CPNE4: variants seen among roughly 807,000 people sequenced by gnomAD.
CPNE4 encodes the protein copine 4.
CPNE4 carries 25 observed loss-of-function variants against 67.9 expected under a neutral mutation model. The ratio of observed to expected loss-of-function variants is 0.37; its 90% confidence interval spans 0.27 to 0.51. CPNE4 has a LOEUF of 0.51. CPNE4 is among the 20% of genes least tolerant of loss of function. The pLI is 0.93. For synonymous variants in CPNE4, 242 were observed against 244.9 expected (o/e 0.99, Z 0.11); for missense variants, 464 against 690.8 (o/e 0.67, Z 3.68).
chr3:131,651,531 G>A (rs2079816277), intron 7 of CPNE4, among the ~76,000 whole-genome samples: 2 of 152,168 alleles, frequency 1.3e-5, no homozygotes, highest in Admixed American at 1.3e-4. Flanking sequence ...GGAAGTTAGT[G>A]TGGCCTGACA....
chr3:131,974,778 C>T (rs1484673649), intron 1 of CPNE4, among the ~76,000 whole-genome samples: 1 of 152,140 alleles, frequency 6.6e-6, no homozygotes, highest in Non-Finnish European at 1.5e-5. Flanking sequence ...GAGGCTAAGG[C>T]AGGTGGATTG....
chr3:131,975,170 C>T (rs368768812), intron 1 of CPNE4, among the ~76,000 whole-genome samples: 5 of 152,192 alleles, frequency 3.3e-5, no homozygotes, highest in African/African-American at 9.6e-5. Flanking sequence ...AAGAGAGAAC[C>T]GCCTGTCAAA....
intron 2 of CPNE4, among the ~76,000 whole-genome samples, chr3:131,776,099 C>G (rs1014085494): frequency 3.9e-5 from 6 of 152,122 alleles, no homozygotes; most frequent in African/African-American, 1.4e-4. Flanking sequence ...TCTCTCCTTC[C>G]CGGCTTACCC....
chr3:131,918,709 A>G (rs2070649207), intron 1 of CPNE4, among the ~76,000 whole-genome samples: 1 of 152,236 alleles, frequency 6.6e-6, no homozygotes, highest in Non-Finnish European at 1.5e-5. Flanking sequence ...ACTTTATAAC[A>G]TAAAACAGTT....
At position 131,669,777 on chromosome 3, in the gene CPNE4, AGAGAG is replaced by A; in HGVS notation, c.592-18_592-14del. ...TATTCATCACAACCTGGGAAAAGAA[AGAGAG>A]GAGTGGTGAGTGGGGGAGAAATGCT... On this transcript the variant is annotated splice_polypyrimidine_tract_variant and intron_variant, in intron 6 of 15. Transcript: ENST00000429747. The A allele has an allele frequency of 6.3e-7, 1 of 1,599,200 alleles. No individual in the cohort carries two copies. Among genetic ancestry groups the A allele is most frequent in the Non-Finnish European group, 8.6e-7 (1 of 1,167,204 alleles).
At chr3:131,766,313 G>A (rs937895926) in intron 2 of CPNE4, among the ~76,000 whole-genome samples, 1 of 26,428 alleles carries the variant, frequency 3.8e-5, no homozygotes, top group Non-Finnish European at 1.1e-4. Flanking sequence ...CTCAAGAAGT[G>A]TTAGCTTTTG....
intron 3 of CPNE4, among the ~76,000 whole-genome samples, chr3:131,717,920 T>TTC (rs2081766103): frequency 6.8e-6 from 1 of 146,568 alleles, no homozygotes; most frequent in African/African-American, 2.5e-5. Context: ...CTTTCTTTCT[T>TTC]TCTTTCTTTC....
intron 2 of CPNE4, among the ~76,000 whole-genome samples, chr3:131,808,059 T>G (rs568521677): frequency 2.6e-5 from 4 of 152,228 alleles, no homozygotes; most frequent in African/African-American, 9.6e-5. Flanking sequence ...ACACTGAAAC[T>G]CAGCTCAGCT....
intron 1 of CPNE4, among the ~76,000 whole-genome samples, chr3:131,922,192 A>C (rs578083572): frequency 6.6e-6 from 1 of 152,296 alleles, no homozygotes; most frequent in Non-Finnish European, 1.5e-5. Context: ...CTGTTCCTAC[A>C]TTAATTCACT....
At chr3:131,950,427 A>G (rs2071688586) in intron 1 of CPNE4, among the ~76,000 whole-genome samples, 1 of 152,224 alleles carries the variant, frequency 6.6e-6, no homozygotes, top group Admixed American at 6.5e-5. Flanking sequence ...CAGACCTTTG[A>G]AAATTATGGC....
At chr3:131,595,232 T>G (rs769694692) in intron 7 of CPNE4, among the ~76,000 whole-genome samples, 4 of 152,242 alleles carry the variant, frequency 2.6e-5, no homozygotes, top group Non-Finnish European at 5.9e-5. Context: ...ACAAAAGAAG[T>G]GAAATCAGCA....
intron 9 of CPNE4, among the ~76,000 whole-genome samples, chr3:131,580,447 CATATACAT>C (rs1559932385): frequency 4.6e-5 from 4 of 86,540 alleles, no homozygotes; most frequent in East Asian, 2.7e-4. Flanking sequence ...TATACATATA[CATATACAT>C]ATACACATAT....
chr3:131,676,334 C>T (rs1000453015), intron 6 of CPNE4, among the ~76,000 whole-genome samples: 2 of 152,022 alleles, frequency 1.3e-5, no homozygotes, highest in African/African-American at 4.8e-5. Context: ...CCTGGGATTA[C>T]ATGTGTGAGC....
chr3:131,792,709 GTGTATATA>G (rs1380945349), intron 2 of CPNE4, among the ~76,000 whole-genome samples: 121 of 88,102 alleles, frequency 1.4e-3, no homozygotes, highest in African/African-American at 1.7e-3. Flanking sequence ...ATACACACAC[GTGTATATA>G]TGTATATATA....
chr3:131,556,424 CAG>C (rs1341454089), intron 11 of CPNE4, among the ~76,000 whole-genome samples: 1 of 152,040 alleles, frequency 6.6e-6, no homozygotes, highest in Non-Finnish European at 1.5e-5. Context: ...GCTAATTTGA[CAG>C]AGCTTGGTTC....
intron 8 of CPNE4, among the ~76,000 whole-genome samples, chr3:131,583,718 T>C (rs1559937669): frequency 6.6e-6 from 1 of 151,966 alleles, no homozygotes; most frequent in East Asian, 1.9e-4. Context: ...GGGTAGGGGG[T>C]CCTGATGGAC....
chr3:131,783,327 C>G (rs183667703), intron 2 of CPNE4, among the ~76,000 whole-genome samples: 18 of 152,160 alleles, frequency 1.2e-4, no homozygotes, highest in African/African-American at 3.4e-4. Flanking sequence ...TTTTGGCCAT[C>G]CATGTCTGAG....
At chr3:131,822,439 T>C (rs2084995291) in intron 2 of CPNE4, among the ~76,000 whole-genome samples, 1 of 152,212 alleles carries the variant, frequency 6.6e-6, no homozygotes, top group South Asian at 2.1e-4. Flanking sequence ...TTTTCTCTTT[T>C]TTCTCCTTTC....
Position 131,634,664 on chromosome 3 carries a change from A to G in CPNE4, c.681+35011T>C, listed in dbSNP as rs142133363. 1.4e-4 allele frequency among the ~76,000 whole-genome samples: 21 copies of G among 152,322 alleles called. No individual in the cohort carries two copies. The East Asian group carries it at 3.5e-3, about 25-fold the overall frequency. ...CAATATTCTCATTCTTGAGTCTGAC[A>G]ATATCTCATAACTGGAAAGGAGATG... On this transcript the variant is annotated intron_variant, in intron 7 of 15. Transcript: ENST00000429747.
Sources: allele counts gnomAD v4.1 joint callset (sites outside exome capture counted in the v4.1 genomes callset), GRCh38; gene constraint gnomAD v4.1.1; transcripts MANE v1.5; gene names NCBI Gene and HGNC (gene_info 2026-07-23, HGNC 2026-07-21).